The following CACNG4 variants were observed in gnomAD, a reference collection of about 807,000 sequenced individuals.
CACNG4 encodes voltage-dependent calcium channel gamma-4 subunit.
CACNG4 carries 8 observed loss-of-function variants against 22.9 expected under a neutral mutation model. The ratio of observed to expected loss-of-function variants is 0.35; its 90% CI spans 0.21 to 0.63. The LOEUF is 0.63. Ranked by LOEUF, CACNG4 falls within the 30% of genes least tolerant of loss-of-function variation. The pLI is 0.72. For synonymous variants in CACNG4, 188 were observed against 191.9 expected (o/e 0.98, Z 0.17); for missense variants, 357 against 455.4 (o/e 0.78, Z 1.97).
At position 66,975,569 on chromosome 17, in the gene CACNG4, T is replaced by C. The variant is rs530684612; in HGVS notation, c.220+10438T>C. On this transcript the variant is annotated intron_variant, in intron 1 of 3. Coordinates refer to ENST00000262138, the MANE Select transcript of CACNG4 (RefSeq NM_014405.4). ...ATACCCCTTCTCGTGCCTGGCACCT[T>C]ATAGATATTCAAAACATATCATCGC... 3.3e-5 allele frequency among the ~76,000 whole-genome samples: 5 copies of C among 152,290 alleles called. No individual in the cohort carries two copies. The South Asian group carries it at 8.3e-4, about 25-fold the overall frequency.
At chr17:67,002,225 A>G (rs1316423937) in intron 1 of CACNG4, among the ~76,000 whole-genome samples, 1 of 152,216 alleles carries the variant, frequency 6.6e-6, no homozygotes, top group Non-Finnish European at 1.5e-5. Flanking sequence ...GAGCGTGTGC[A>G]GGGGAATTGC....
At chr17:67,029,475 C>A (rs1472002022) in intron 3 of CACNG4, among the ~76,000 whole-genome samples, 1 of 150,448 alleles carries the variant, frequency 6.6e-6, no homozygotes, top group Non-Finnish European at 1.5e-5. Context: ...ACTAAAAATA[C>A]AAAAAAAAAT....
At position 67,019,234 on chromosome 17, in the gene CACNG4, A is replaced by G. The variant is rs141192504; in HGVS notation, c.304+962A>G. On this transcript the variant is annotated intron_variant, in intron 2 of 3. Transcript: ENST00000262138. Reference sequence around the variant, plus strand: ...AGAGAAAGGATTTTGATTCTGAGTCATCTGGTGAAATAGAACAGCACGCGG... The same window carrying G: ...AGAGAAAGGATTTTGATTCTGAGTCGTCTGGTGAAATAGAACAGCACGCGG... 8.5e-5 allele frequency among the ~76,000 whole-genome samples: 13 copies of G among 152,268 alleles called. No individual in the cohort carries two copies. The East Asian group carries it at 2.3e-3, about 27-fold the overall frequency.
At chr17:66,988,750 T>C (rs1598108197) in intron 1 of CACNG4, among the ~76,000 whole-genome samples, 2 of 152,206 alleles carry the variant, frequency 1.3e-5, no homozygotes, top group Admixed American at 1.3e-4. Flanking sequence ...AGTTCTATCT[T>C]ACGTAAGGCG....
intron 3 of CACNG4, among the ~76,000 whole-genome samples, chr17:67,028,088 A>G (rs895651875): frequency 1.3e-5 from 2 of 152,218 alleles, no homozygotes; most frequent in South Asian, 4.1e-4. Flanking sequence ...GGGTTCTTAC[A>G]GAACACAACA....
rs558046751 is a variant in CACNG4, at chr17:67,008,165, A to T, written c.221-10024A>T. Among the ~76,000 whole-genome samples, 3 of 152,324 alleles carry T rather than the reference A, an allele frequency of 2.0e-5. 1 individual carries two copies. Among genetic ancestry groups the T allele is most frequent in the African/African-American group, 7.2e-5 (3 of 41,578 alleles). On this transcript the variant is annotated intron_variant, in intron 1 of 3. Coordinates refer to ENST00000262138, the MANE Select transcript of CACNG4 (RefSeq NM_014405.4). The stretch of plus-strand genomic sequence containing the variant: ...AAGTTCAATGAAGGAACTGAAGGTC[A>T]CAGTGGCTTACGAGGGTCTCATGGA...
intron 1 of CACNG4, among the ~76,000 whole-genome samples, chr17:67,006,525 G>A (rs777075858): frequency 4.6e-5 from 7 of 151,920 alleles, no homozygotes; most frequent in Non-Finnish European, 8.8e-5. Context: ...GCTTCGTCTC[G>A]CCTGGGCCGC....
intron 1 of CACNG4, among the ~76,000 whole-genome samples, chr17:66,987,019 C>T (rs117890239): frequency 5.9e-5 from 9 of 152,202 alleles, no homozygotes; most frequent in East Asian, 5.8e-4. Flanking sequence ...TCCATTTATA[C>T]GAAATATCCA....
rs1360868195 is a variant in CACNG4, at chr17:67,031,355, C to A, written c.*351C>A. 1.0e-5 allele frequency: 5 copies of A among 495,566 alleles called. No homozygotes were observed. Among genetic ancestry groups the A allele is most frequent in the African/African-American group, 7.7e-5 (4 of 51,790 alleles). The allele number at this position is 495,566 out of a possible 1,614,324, so 30.7% of individuals were successfully genotyped here. A position where few individuals can be genotyped will look rare whatever the true frequency, so the allele number is the denominator to read the frequency against. ...CCATTATCTCCTCTTGGAAACGAAT[C>A]TTGCCAGAAAAACGGGATTTCAGGG... is the stretch of plus-strand genomic sequence containing the variant. On this transcript the variant is annotated 3_prime_UTR_variant, in exon 4 of 4. Coordinates refer to ENST00000262138, the MANE Select transcript of CACNG4 (RefSeq NM_014405.4). The surrounding 1 kb of genome is among the most constrained non-coding windows in gnomAD (Gnocchi z 4.0).
chr17:66,995,447 G>T (rs983223311), intron 1 of CACNG4, among the ~76,000 whole-genome samples: 1 of 152,180 alleles, frequency 6.6e-6, no homozygotes, highest in African/African-American at 2.4e-5. Context: ...AACCTTGCAG[G>T]GTTGGAGGCC....
chr17:67,002,959 C>G (rs1274833371), intron 1 of CACNG4, among the ~76,000 whole-genome samples: 1 of 152,060 alleles, frequency 6.6e-6, no homozygotes, highest in African/African-American at 2.4e-5. Context: ...CTTTGCTGGG[C>G]CTTCTAAGAG....
intron 1 of CACNG4, among the ~76,000 whole-genome samples, chr17:66,976,086 C>A (rs369546205): frequency 6.6e-6 from 1 of 152,174 alleles, no homozygotes; most frequent in Admixed American, 6.5e-5. Context: ...CTTACCGACA[C>A]CTGCCGAGAG....
In CACNG4 at chr17:66,984,122, T is replaced by C. The variant is rs766145572; in HGVS notation, c.220+18991T>C. On this transcript the variant is annotated intron_variant, in intron 1 of 3. Coordinates refer to ENST00000262138, the MANE Select transcript of CACNG4 (RefSeq NM_014405.4). This position sits in a 1 kb window ranked among gnomAD's most constrained non-coding sequence, Gnocchi z 4.0. ...AGCCAGCTGCAATGGCTTGAACCTG[T>C]AATCCTAGCACTTTGGGAAGCCAAG... Among the ~76,000 whole-genome samples, 62 of 152,244 alleles carry C rather than the reference T, an allele frequency of 4.1e-4. No individual in the cohort carries two copies. Among genetic ancestry groups the C allele is most frequent in the Admixed American group, 9.8e-4 (15 of 15,290 alleles).
At chr17:67,029,999 G>C (rs2035592307) in intron 3 of CACNG4, among the ~76,000 whole-genome samples, 1 of 152,232 alleles carries the variant, frequency 6.6e-6, no homozygotes, top group Non-Finnish European at 1.5e-5. Flanking sequence ...GTAAAGGCCT[G>C]GTTAGGTGGG....
intron 1 of CACNG4, among the ~76,000 whole-genome samples, chr17:67,017,521 T>TTGA (rs2035505989): frequency 6.7e-6 from 1 of 150,226 alleles, no homozygotes; most frequent in African/African-American, 2.5e-5. Flanking sequence ...GTTGTTGTTG[T>TTGA]TGTTTGTTGT....
intron 1 of CACNG4, among the ~76,000 whole-genome samples, chr17:67,010,081 C>G (rs1357178061): frequency 6.6e-6 from 1 of 152,168 alleles, no homozygotes. Flanking sequence ...CGACTGCCCC[C>G]TTTGTTTGCA....
chr17:67,000,290 C>T (rs538956407), intron 1 of CACNG4, among the ~76,000 whole-genome samples: 1 of 152,286 alleles, frequency 6.6e-6, no homozygotes, highest in East Asian at 1.9e-4. Flanking sequence ...ACTCTGTTCC[C>T]AGGGTTTGCT....
chr17:67,025,407 G>C (rs118074865), intron 3 of CACNG4, among the ~76,000 whole-genome samples: 7 of 152,226 alleles, frequency 4.6e-5, no homozygotes, highest in Admixed American at 3.9e-4. Context: ...TGGGTCAGGC[G>C]GTCAGGGAGG....
At chr17:66,982,588 A>G (rs1425113724) in intron 1 of CACNG4, among the ~76,000 whole-genome samples, 1 of 152,108 alleles carries the variant, frequency 6.6e-6, no homozygotes, top group African/African-American at 2.4e-5. Flanking sequence ...CCAAGTCCCC[A>G]CTCAACCCAG....
Sources: allele counts gnomAD v4.1 joint callset (sites outside exome capture counted in the v4.1 genomes callset), GRCh38; gene constraint gnomAD v4.1.1; non-coding constraint Gnocchi (gnomAD v3.1); transcripts MANE v1.5; gene names NCBI Gene and HGNC (gene_info 2026-07-23, HGNC 2026-07-21).